The following ZNF627 variants were observed in gnomAD, a reference collection of about 807,000 sequenced individuals.
ZNF627 encodes zinc finger protein 627.
ZNF627 carries 12 observed loss-of-function variants against 10.6 expected under a neutral mutation model. The observed-to-expected ratio is 1.13, with a 90% CI of 0.73 to 1.84. The LOEUF is 1.84. ZNF627 is among the 40% of genes most tolerant of loss of function. The pLI is 0.00. For missense variants in ZNF627, 504 were observed against 568.4 expected, an observed-to-expected ratio of 0.89 and a Z score of 1.15; for synonymous variants, 176 against 187.1, an observed-to-expected ratio of 0.94 and a Z score of 0.48.
intron 1 of ZNF627, 86 bp downstream of exon 1, chr19:11,597,716 T>A: frequency 1.6e-6 from 2 of 1,286,054 alleles, no homozygotes; most frequent in Non-Finnish European, 2.0e-6. Flanking sequence ...GACCTAGGCC[T>A]CCCTGCGGCG....
intron 1 of ZNF627, among the ~76,000 whole-genome samples, chr19:11,609,795 G>A (rs536090365): frequency 1.3e-5 from 2 of 152,028 alleles, no homozygotes; most frequent in Admixed American, 1.3e-4. Flanking sequence ...TGAGACTGCA[G>A]GCGTGAGCCA....
chr19:11,614,740 G>T, intron 2 of ZNF627, 87 bp downstream of exon 2: 1 of 1,602,476 alleles, frequency 6.2e-7, no homozygotes, highest in East Asian at 2.2e-5. Flanking sequence ...ACCAGGCATG[G>T]GTACAGGGAA....
intron 1 of ZNF627, among the ~76,000 whole-genome samples, chr19:11,606,107 C>T (rs11085787): frequency 0.41 from 62,778 of 151,746 alleles, 13,275 homozygotes; most frequent in Non-Finnish European, 0.47. Context: ...TTTGGGAGGC[C>T]GAGGCAAGCG....
At chr19:11,600,906 T>C (rs1450227035) in intron 1 of ZNF627, among the ~76,000 whole-genome samples, 2 of 152,228 alleles carry the variant, frequency 1.3e-5, no homozygotes, top group East Asian at 3.8e-4. Context: ...TGTTAAGGTA[T>C]GAAATATAAG....
chr19:11,610,385 G>A (rs1383637642), intron 1 of ZNF627, among the ~76,000 whole-genome samples: 1 of 151,828 alleles, frequency 6.6e-6, no homozygotes, highest in Non-Finnish European at 1.5e-5. Context: ...TAGCTTCAGG[G>A]TTTTTGTTTA....
intron 1 of ZNF627, 38 bp downstream of exon 1, chr19:11,597,668 A>G: frequency 2.2e-6 from 3 of 1,336,248 alleles, no homozygotes; most frequent in South Asian, 2.6e-5. Flanking sequence ...GACCTGGGGG[A>G]GGGGCTGGTT....
chr19:11,611,397 G>A (rs569076994), intron 1 of ZNF627, among the ~76,000 whole-genome samples: 1 of 152,092 alleles, frequency 6.6e-6, no homozygotes, highest in South Asian at 2.1e-4. Context: ...GATGTGATCC[G>A]AGCTCACCCC....
chr19:11,606,070 G>A (rs983941777), intron 1 of ZNF627, among the ~76,000 whole-genome samples: 3 of 152,084 alleles, frequency 2.0e-5, no homozygotes, highest in African/African-American at 4.8e-5. Context: ...GGCCAGGCGC[G>A]GTGGCTCACA....
At chr19:11,607,946 A>G (rs1973702794) in intron 1 of ZNF627, among the ~76,000 whole-genome samples, 1 of 152,146 alleles carries the variant, frequency 6.6e-6, no homozygotes, top group African/African-American at 2.4e-5. Context: ...GTACCAATTT[A>G]CTATATTAGT....
chr19:11,612,854 G>A (rs944955529), intron 1 of ZNF627, among the ~76,000 whole-genome samples: 4 of 151,394 alleles, frequency 2.6e-5, no homozygotes, highest in Non-Finnish European at 4.4e-5. Flanking sequence ...GGGGGTTGGT[G>A]TATTTCATCA....
chr19:11,598,267 C>G (rs911141336), intron 1 of ZNF627, among the ~76,000 whole-genome samples: 10 of 152,114 alleles, frequency 6.6e-5, no homozygotes, highest in African/African-American at 2.4e-4. Flanking sequence ...AGCGCGGTGG[C>G]TCACGCCTGT....
chr19:11,600,672 A>G (rs1367809057), intron 1 of ZNF627, among the ~76,000 whole-genome samples: 5 of 152,152 alleles, frequency 3.3e-5, no homozygotes, highest in African/African-American at 1.2e-4. Flanking sequence ...ACAGAGATTC[A>G]CCAAAACATC....
At chr19:11,601,206 G>A (rs1383152753) in intron 1 of ZNF627, among the ~76,000 whole-genome samples, 1 of 152,200 alleles carries the variant, frequency 6.6e-6, no homozygotes, top group Admixed American at 6.5e-5. Context: ...TGGAAAGCTG[G>A]GGATTCATAG....
At chr19:11,597,698 T>G in intron 1 of ZNF627, 68 bp downstream of exon 1, 1 of 1,321,544 alleles carries the variant, frequency 7.6e-7, no homozygotes, top group East Asian at 2.8e-5. Context: ...CGGAACCGGC[T>G]GTGGAGGGAC....
At position 11,614,747 on chromosome 19, in the gene ZNF627, G is replaced by A. The variant is rs184249094; in HGVS notation, c.131-80G>A. 1.0e-4 allele frequency: 166 copies of A among 1,600,416 alleles called. 2 individuals carry two copies. In the African/African-American group the frequency reaches 1.9e-3, roughly 18 times the overall value. On this transcript the variant is annotated intron_variant, in intron 2 of 3. Transcript: ENST00000361113. ...GGGAATAAACCAGGCATGGGTACAG[G>A]GAATTATGAATATAGAATCTAATAC...
At chr19:11,615,937 T>C (rs1486662431) in intron 3 of ZNF627, among the ~76,000 whole-genome samples, 1 of 151,642 alleles carries the variant, frequency 6.6e-6, no homozygotes, top group Admixed American at 6.6e-5. Flanking sequence ...CAGGCTGGTC[T>C]TGAACTCCTG....
At chr19:11,598,923 T>G (rs1467646058) in intron 1 of ZNF627, among the ~76,000 whole-genome samples, 3 of 152,162 alleles carry the variant, frequency 2.0e-5, no homozygotes, top group African/African-American at 7.2e-5. Context: ...GGCTCATGTC[T>G]GTAATCCCAA....
intron 1 of ZNF627, among the ~76,000 whole-genome samples, chr19:11,605,819 A>G (rs1973665189): frequency 6.6e-6 from 1 of 152,168 alleles, no homozygotes; most frequent in Admixed American, 6.6e-5. Context: ...CAAAGTCTTA[A>G]ATCATTCCAG....
At chr19:11,614,419 A>G (rs1973830435) in intron 1 of ZNF627, 108 bp from the exon 2 acceptor site, 3 of 1,530,142 alleles carry the variant, frequency 2.0e-6, no homozygotes, top group African/African-American at 2.8e-5. Context: ...GAATCTTGAA[A>G]TAAATGTTTG....
Sources: gnomAD v4.1 joint callset for allele counts (sites outside exome capture counted in the v4.1 genomes callset) on GRCh38, gnomAD v4.1.1 for gene constraint, MANE v1.5 for transcripts, NCBI Gene and HGNC (gene_info 2026-07-23, HGNC 2026-07-21) for gene names.